ACVR1B: variants seen among roughly 807,000 people sequenced by gnomAD.
The protein encoded by ACVR1B is activin A receptor type 1B.
In ACVR1B, 15 loss-of-function variants were observed where a neutral mutation model predicts 55.6. The observed-to-expected ratio is 0.27, with a 90% CI of 0.18 to 0.42. The LOEUF (loss-of-function observed/expected upper bound fraction) is 0.42. Ranked by LOEUF, ACVR1B falls within the 10% of genes least tolerant of loss-of-function variation. The pLI is 1.00. For missense variants in ACVR1B, 359 were observed against 670.1 expected (o/e 0.54, Z 5.13); for synonymous variants, 247 against 254.6 (o/e 0.97, Z 0.28).
chr12:51,989,513 G>T (rs951772740), intron 7 of ACVR1B, among the ~76,000 whole-genome samples: 2 of 152,050 alleles, frequency 1.3e-5, no homozygotes, highest in Non-Finnish European at 2.9e-5. Flanking sequence ...TCGAACTCCT[G>T]ACCTCAGGTG....
In ACVR1B at chr12:51,980,967, A is replaced by G; in HGVS notation, c.581-2A>G. ...GGTTTCTTCCTATTCTTTGGTTCAC[A>G]GGGTTACCCCTCTTTGTCCAGCGCA... On this transcript the variant is annotated splice_acceptor_variant, in intron 3 of 8. Coordinates refer to ENST00000257963, the MANE Select transcript of ACVR1B (RefSeq NM_004302.5). LOFTEE classifies it high-confidence loss of function. 6.3e-7 allele frequency: 1 copy of G among 1,589,710 alleles called. No homozygotes were observed. Among genetic ancestry groups the G allele is most frequent in the Non-Finnish European group, 8.6e-7 (1 of 1,166,354 alleles).
intron 6 of ACVR1B, 75 bp from the exon 7 acceptor site, chr12:51,986,743 C>G: frequency 6.5e-7 from 1 of 1,533,142 alleles, no homozygotes; most frequent in South Asian, 1.3e-5. Flanking sequence ...TCAGAGGGCT[C>G]CTGAATCAAT....
chr12:51,981,313 C>A, intron 4 of ACVR1B, 114 bp downstream of exon 4: 1 of 871,142 alleles, frequency 1.1e-6, no homozygotes, highest in Non-Finnish European at 1.7e-6. Context: ...AGAAAGAAAA[C>A]TTGAGTAAGG....
At chr12:51,968,485 T>A (rs1941684296) in intron 1 of ACVR1B, among the ~76,000 whole-genome samples, 1 of 152,244 alleles carries the variant, frequency 6.6e-6, no homozygotes, top group African/African-American at 2.4e-5. Context: ...CCTAAATGAC[T>A]GCAACTATAT....
intron 1 of ACVR1B, among the ~76,000 whole-genome samples, chr12:51,965,027 G>C (rs978008778): frequency 3.9e-5 from 6 of 152,000 alleles, no homozygotes; most frequent in Non-Finnish European, 8.8e-5. Context: ...TTCTGATAGG[G>C]ATTGTATTGA....
At chr12:51,966,716 T>A (rs1475419721) in intron 1 of ACVR1B, among the ~76,000 whole-genome samples, 1 of 152,188 alleles carries the variant, frequency 6.6e-6, no homozygotes, top group Non-Finnish European at 1.5e-5. Flanking sequence ...CCCAAAGTGC[T>A]GGGATTACAG....
chr12:51,952,451 C>T (rs1381109153), intron 1 of ACVR1B, among the ~76,000 whole-genome samples: 1 of 152,178 alleles, frequency 6.6e-6, no homozygotes, highest in East Asian at 1.9e-4. Flanking sequence ...CACTCAATCC[C>T]TTGAGTTCAG....
chr12:51,971,623 A>T (rs899138447), intron 1 of ACVR1B, among the ~76,000 whole-genome samples: 8 of 152,340 alleles, frequency 5.3e-5, no homozygotes, highest in Non-Finnish European at 8.8e-5. Context: ...TGCGTGATTT[A>T]ATGAACTAAG....
chr12:51,991,094 A>G (rs1438621178), intron 7 of ACVR1B, among the ~76,000 whole-genome samples: 2 of 152,190 alleles, frequency 1.3e-5, no homozygotes. Context: ...TTCCCATGAT[A>G]TATAGTTGGA....
chr12:51,953,403 G>A, intron 1 of ACVR1B: 1 of 985,474 alleles, frequency 1.0e-6, no homozygotes, highest in Non-Finnish European at 1.2e-6. Flanking sequence ...AGCACCTCGT[G>A]TGTGTTCTTC....
At chr12:51,978,989 C>G (rs1439591982) in intron 3 of ACVR1B, among the ~76,000 whole-genome samples, 6 of 151,692 alleles carry the variant, frequency 4.0e-5, no homozygotes, top group Non-Finnish European at 7.4e-5. Flanking sequence ...CATGGTGAAA[C>G]CTCGTCTCTA....
In ACVR1B at chr12:51,986,908, A is replaced by G. The variant is rs544497732; in HGVS notation, c.1227A>G (p.Val409=). The G allele has an allele frequency of 1.9e-5, 30 of 1,614,202 alleles. No homozygotes were observed. Among genetic ancestry groups the G allele is most frequent in the Middle Eastern group, 3.3e-4 (2 of 6,062 alleles). ...CTGATATTTATGCCCTCGGGCTTGTATATTGGGAGATTGCTCGAAGATGCA... is the reference window on the plus strand; with the variant it reads ...CTGATATTTATGCCCTCGGGCTTGTGTATTGGGAGATTGCTCGAAGATGCA... ...KCADIYALGL[V]YWEIARRCNS... is the part of the protein sequence containing the mutation. Residue 409 remains valine (V), a synonymous_variant, in exon 7 of 9, where the codon GTA becomes GTG. Transcript: ENST00000257963.
intron 7 of ACVR1B, 41 bp from the exon 8 acceptor site, chr12:51,991,822 C>G (rs752777127): frequency 6.3e-7 from 1 of 1,595,606 alleles, no homozygotes; most frequent in African/African-American, 1.3e-5. Context: ...TAATCTTTTC[C>G]TGCTGTTGAT....
chr12:51,986,760 A>C, intron 6 of ACVR1B, 58 bp from the exon 7 acceptor site: 2 of 1,559,770 alleles, frequency 1.3e-6, no homozygotes, highest in Non-Finnish European at 1.7e-6. Context: ...CAATACTTTG[A>C]TTTAAAGAGA....
At chr12:51,981,859 AAAG>A (rs1398738232) in intron 4 of ACVR1B, among the ~76,000 whole-genome samples, 1 of 152,132 alleles carries the variant, frequency 6.6e-6, no homozygotes, top group Non-Finnish European at 1.5e-5. Flanking sequence ...AAAAAAAAAA[AAAG>A]AAAAAAAAAA....
chr12:51,978,548 G>A (rs1016961543), intron 3 of ACVR1B, among the ~76,000 whole-genome samples: 14 of 152,132 alleles, frequency 9.2e-5, no homozygotes, highest in African/African-American at 2.7e-4. Flanking sequence ...AGCCTGACCC[G>A]GCCAGGCGCG....
chr12:51,952,299 A>G, intron 1 of ACVR1B, among the ~76,000 whole-genome samples: 1 of 152,018 alleles, frequency 6.6e-6, no homozygotes, highest in Non-Finnish European at 1.5e-5. Context: ...CTCCGAGGGA[A>G]CCTGATGTTG....
intron 1 of ACVR1B, among the ~76,000 whole-genome samples, chr12:51,954,589 T>C (rs1941373838): frequency 6.6e-6 from 1 of 152,200 alleles, no homozygotes; most frequent in Non-Finnish European, 1.5e-5. Context: ...CTGGAACAGA[T>C]GTGATAAAAC....
Position 51,951,699 on chromosome 12 carries a change from G to A in ACVR1B, c.-45G>A, listed in dbSNP as rs1344207283. On this transcript the variant is annotated 5_prime_UTR_variant, in exon 1 of 9. Coordinates refer to ENST00000257963, the MANE Select transcript of ACVR1B (RefSeq NM_004302.5). Reference sequence around the variant, plus strand: ...CGCCGGGGGCGCGCGCGCGCGCGCTGGGCGCTGCTGGGCTGCGGCGGCGGC... The same window carrying A: ...CGCCGGGGGCGCGCGCGCGCGCGCTAGGCGCTGCTGGGCTGCGGCGGCGGC... 2 of 1,064,380 alleles carry A rather than the reference G, an allele frequency of 1.9e-6. No homozygotes were observed. Among genetic ancestry groups the A allele is most frequent in the Non-Finnish European group, 1.1e-6 (1 of 875,180 alleles). 65.9% of individuals were successfully genotyped at this position (1,064,380 alleles called of 1,614,324 possible). A position where few individuals can be genotyped will look rare whatever the true frequency, so the allele number is the denominator to read the frequency against.
Sources: gnomAD v4.1 joint callset for allele counts (sites outside exome capture counted in the v4.1 genomes callset) on GRCh38, gnomAD v4.1.1 for gene constraint, MANE v1.5 for transcripts, NCBI Gene and HGNC (gene_info 2026-07-23, HGNC 2026-07-21) for gene names.